Variants in POP1 observed in about 807,000 individuals in gnomAD.
POP1 encodes POP1 ribonuclease P/MRP subunit.
In POP1, 75 loss-of-function variants were observed where a neutral mutation model predicts 102.2. That is an observed-to-expected ratio of 0.73 (90% CI 0.61 to 0.89). POP1 has a LOEUF of 0.89. Among genes scored for constraint, POP1 ranks in the 40% least tolerant of loss-of-function variants. The probability of loss-of-function intolerance (pLI) is 0.00; values close to 1 mark genes in which losing one functional copy is unlikely to be tolerated. For synonymous variants in POP1, 436 were observed against 464.1 expected (o/e 0.94, Z 0.78); for missense variants, 1,116 against 1,267.4 (o/e 0.88, Z 1.81).
Position 98,123,400 on chromosome 8 carries a change from T to C in POP1, c.63T>C (p.Thr21=). The C allele has an allele frequency of 6.2e-7, 1 of 1,614,132 alleles. No homozygotes were observed. The highest frequency in any genetic ancestry group is 2.2e-5 in the East Asian group (1 of 44,878). Residue 21 remains threonine, a synonymous_variant, in exon 2 of 16, where the codon ACT becomes ACC. Transcript: ENST00000401707. ...TGAGAAACCAGCCTACCAATGTGAC[T>C]CTGTCCTCTGGCTTTGTGGCTGACA... The part of the protein sequence containing the change: ...KKMRNQPTNV[T]LSSGFVADRG...
chr8:98,147,341 A>G (rs1809382035), intron 12 of POP1, among the ~76,000 whole-genome samples: 1 of 152,242 alleles, frequency 6.6e-6, no homozygotes, highest in Non-Finnish European at 1.5e-5. Flanking sequence ...TGAAGATAAG[A>G]TTGCAGGAAG....
At chr8:98,142,608 C>A (rs1407041754) in intron 11 of POP1, among the ~76,000 whole-genome samples, 3 of 152,114 alleles carry the variant, frequency 2.0e-5, no homozygotes, top group Admixed American at 1.3e-4. Flanking sequence ...TAGTATTTGC[C>A]AATTTGCTTT....
chr8:98,159,761 C>G lies in POP1; in HGVS notation c.*1490C>G, dbSNP rs1215445739. ...CCTCTGAATGTCTTTGGATCCAACCCAGATGAGACTGAAAAAAAAAAAACA... is the reference window on the plus strand; with the variant it reads ...CCTCTGAATGTCTTTGGATCCAACCGAGATGAGACTGAAAAAAAAAAAACA... On this transcript the variant is annotated 3_prime_UTR_variant, in exon 16 of 16. Transcript: ENST00000401707. 6.8e-6 allele frequency: 1 copy of G among 146,866 alleles called. No individual in the cohort carries two copies. Among genetic ancestry groups the G allele is most frequent in the Non-Finnish European group, 1.5e-5 (1 of 67,486 alleles). The allele number at this position is 146,866 out of a possible 1,614,324, so 9.1% of individuals were successfully genotyped here.
intron 11 of POP1, among the ~76,000 whole-genome samples, chr8:98,144,948 C>T (rs1453246248): frequency 2.0e-5 from 3 of 152,044 alleles, no homozygotes; most frequent in South Asian, 2.1e-4. Flanking sequence ...AGTGGAGTGG[C>T]GCGATCTCAG....
At chr8:98,126,491 A>G (rs377044484) in intron 2 of POP1, among the ~76,000 whole-genome samples, 28 of 152,330 alleles carry the variant, frequency 1.8e-4, no homozygotes, top group Middle Eastern at 3.4e-3. Flanking sequence ...TTCAGCTGTG[A>G]TATAAATATT....
At chr8:98,123,903 C>A (rs936629243) in intron 2 of POP1, among the ~76,000 whole-genome samples, 1 of 152,070 alleles carries the variant, frequency 6.6e-6, no homozygotes, top group East Asian at 1.9e-4. Flanking sequence ...ATACAGTAGA[C>A]CCTTATTATT....
intron 11 of POP1, among the ~76,000 whole-genome samples, chr8:98,145,282 C>T (rs1816813544): frequency 6.6e-6 from 1 of 152,178 alleles, no homozygotes; most frequent in South Asian, 2.1e-4. Flanking sequence ...ACACTATGGC[C>T]CAGTTGCTTC....
At chr8:98,133,618 C>T (rs1051986685) in intron 5 of POP1, among the ~76,000 whole-genome samples, 15 of 152,110 alleles carry the variant, frequency 9.9e-5, no homozygotes, top group East Asian at 1.9e-4. Flanking sequence ...ATGTACCCTC[C>T]GTAGAACCTG....
chr8:98,133,179 T>C (rs959346519), intron 5 of POP1, among the ~76,000 whole-genome samples: 3 of 152,130 alleles, frequency 2.0e-5, no homozygotes, highest in African/African-American at 7.2e-5. Flanking sequence ...ATTGCGCCTC[T>C]GTACTCTAGC....
chr8:98,140,644 C>T lies in POP1; in HGVS notation c.1475-125C>T, dbSNP rs1003180989. On this transcript the variant is annotated intron_variant, in intron 10 of 15. Transcript: ENST00000401707. Reference sequence around the variant, plus strand: ...AGTATCAATGGGAAGAGAGGGAATACATGTTTTTAAGTAATTAGTCCAAGA... The same window carrying T: ...AGTATCAATGGGAAGAGAGGGAATATATGTTTTTAAGTAATTAGTCCAAGA... The T allele has an allele frequency of 7.5e-6, 7 of 930,142 alleles. No individual in the cohort carries two copies. The Admixed American group carries it at 7.8e-5, about 10-fold the overall frequency. The allele number at this position is 930,142 out of a possible 1,614,324, so 57.6% of individuals were successfully genotyped here.
rs117472303 is a variant in POP1, at chr8:98,132,578, A to G, written c.736-1371A>G. On this transcript the variant is annotated intron_variant, in intron 5 of 15. Coordinates refer to ENST00000401707, the MANE Select transcript of POP1 (RefSeq NM_001145860.2). ...TATAGCAGAAGGGTTGGTTTGGCAG[A>G]TCACTGAGCCTGATTAGAATGCTGG... 1.6e-3 allele frequency among the ~76,000 whole-genome samples: 244 copies of G among 152,300 alleles called. 3 individuals carry two copies. The South Asian group carries it at 0.023, about 15-fold the overall frequency.
rs149473089 is a variant in POP1, at chr8:98,153,832, G to A, written c.2058-2218G>A. Among the ~76,000 whole-genome samples, 799 of 152,134 alleles carry A rather than the reference G, an allele frequency of 5.3e-3. 10 individuals are homozygous for A. The highest frequency in any genetic ancestry group is 0.018 in the African/African-American group (754 of 41,506). ...ATTAGAGGTGTGAGTCACCGTGCCC[G>A]GCCCTGGCTCTTAATCCTATTTTCC... On this transcript the variant is annotated intron_variant, in intron 14 of 15. Coordinates refer to ENST00000401707, the MANE Select transcript of POP1 (RefSeq NM_001145860.2).
Position 98,159,599 on chromosome 8 carries a change from T to C in POP1, c.*1328T>C, listed in dbSNP as rs1490637825. 1 of 152,146 alleles carries C rather than the reference T, an allele frequency of 6.6e-6. No homozygotes were observed. The highest frequency in any genetic ancestry group is 2.4e-5 in the African/African-American group (1 of 41,418). 9.4% of individuals were successfully genotyped at this position (152,146 alleles called of 1,614,324 possible). On this transcript the variant is annotated 3_prime_UTR_variant, in exon 16 of 16. Transcript: ENST00000401707. ...GCAGTTAGGCATTATTTTATGTAAA[T>C]GCATTGGGTTTTTACTGTAGCATTT... is the stretch of plus-strand genomic sequence containing the variant.
intron 15 of POP1, among the ~76,000 whole-genome samples, chr8:98,157,220 C>T (rs1281547460): frequency 3.3e-5 from 5 of 152,168 alleles, no homozygotes; most frequent in African/African-American, 1.2e-4. Flanking sequence ...TAGCCTTGTG[C>T]TTACTTTTCC....
intron 14 of POP1, among the ~76,000 whole-genome samples, chr8:98,152,471 C>T (rs532722639): frequency 1.4e-4 from 22 of 152,288 alleles, no homozygotes; most frequent in African/African-American, 5.3e-4. Context: ...TCGACTCTGC[C>T]ACTGTGGCTC....
At chr8:98,118,203 A>G (rs556700206) in intron 1 of POP1, among the ~76,000 whole-genome samples, 2 of 152,238 alleles carry the variant, frequency 1.3e-5, no homozygotes, top group African/African-American at 4.8e-5. Context: ...GGCCTGGAAT[A>G]AAAGACCTTT....
intron 1 of POP1, among the ~76,000 whole-genome samples, chr8:98,121,498 T>G (rs1269953038): frequency 6.6e-6 from 1 of 151,042 alleles, no homozygotes; most frequent in Admixed American, 6.6e-5. Context: ...TATATAAAAT[T>G]ATTGGTTACA....
chr8:98,155,817 C>G, intron 14 of POP1: 2 of 462,816 alleles, frequency 4.3e-6, no homozygotes, highest in Admixed American at 6.7e-5. Context: ...CTCAGGTGAT[C>G]GCCTGCCTTG....
chr8:98,139,875 A>G (rs1012506042), intron 9 of POP1, among the ~76,000 whole-genome samples: 5 of 152,230 alleles, frequency 3.3e-5, no homozygotes, highest in African/African-American at 9.6e-5. Flanking sequence ...GTGTAATACT[A>G]TATCCTTGCT....
Sources: gnomAD v4.1 joint callset for allele counts (sites outside exome capture counted in the v4.1 genomes callset) on GRCh38, gnomAD v4.1.1 for gene constraint, MANE v1.5 for transcripts, NCBI Gene and HGNC (gene_info 2026-07-23, HGNC 2026-07-21) for gene names.